LPP: variants seen among roughly 807,000 people sequenced by gnomAD.
LPP encodes the protein lipoma-preferred partner.
Under a neutral mutation model 60.4 loss-of-function variants are expected in LPP, and 38 were observed. The observed-to-expected ratio is 0.63, with a 90% CI of 0.49 to 0.83. The LOEUF (loss-of-function observed/expected upper bound fraction) is 0.83, where lower values mean the gene tolerates loss of function less well. Among genes scored for constraint, LPP ranks in the 40% least tolerant of loss-of-function variants. LPP has a pLI of 0.00. For missense variants in LPP, 902 were observed against 783.6 expected (o/e 1.15, Z -1.80); for synonymous variants, 328 against 290.8 (o/e 1.13, Z -1.30).
chr3:188,657,436 C>T (rs962909792), intron 7 of LPP, among the ~76,000 whole-genome samples: 8 of 151,714 alleles, frequency 5.3e-5, no homozygotes, highest in Non-Finnish European at 1.2e-4. Flanking sequence ...TGGCTTTCCT[C>T]GACATTATAA....
chr3:188,261,719 G>A (rs1489440860), intron 2 of LPP, among the ~76,000 whole-genome samples: 3 of 148,962 alleles, frequency 2.0e-5, no homozygotes, highest in Admixed American at 6.8e-5. Flanking sequence ...ACCAGCCTGG[G>A]CAACACAGTG....
chr3:188,710,258 G>T (rs992149768), intron 8 of LPP: 4 of 152,138 alleles, frequency 2.6e-5, no homozygotes, highest in African/African-American at 9.7e-5. Context: ...ATTTGTGTTG[G>T]GGTGGCAGTT....
At chr3:188,498,135 A>G (rs7652962) in intron 5 of LPP, among the ~76,000 whole-genome samples, 8,649 of 152,166 alleles carry the variant, frequency 0.057, 348 homozygotes, top group Middle Eastern at 0.14. Context: ...ACTCTTGATG[A>G]CTTGAACCTC....
intron 4 of LPP, among the ~76,000 whole-genome samples, chr3:188,453,011 T>TTGTA (rs1324288952): frequency 6.6e-6 from 1 of 152,246 alleles, no homozygotes; most frequent in Non-Finnish European, 1.5e-5. Context: ...AGAAAGCAGA[T>TTGTA]TGTAGCTGGT....
At chr3:188,498,523 C>CTA (rs1478230592) in intron 5 of LPP, among the ~76,000 whole-genome samples, 1 of 152,140 alleles carries the variant, frequency 6.6e-6, no homozygotes, top group Non-Finnish European at 1.5e-5. Flanking sequence ...ATATGTCATG[C>CTA]TATATATATG....
chr3:188,193,346 C>T (rs77986036), intron 1 of LPP, among the ~76,000 whole-genome samples: 1 of 152,076 alleles, frequency 6.6e-6, no homozygotes, highest in Non-Finnish European at 1.5e-5. Flanking sequence ...GATTCAGTTC[C>T]CAGCTCTGTC....
intron 7 of LPP, among the ~76,000 whole-genome samples, chr3:188,632,693 A>G (rs1404026566): frequency 6.6e-6 from 1 of 152,196 alleles, no homozygotes; most frequent in African/African-American, 2.4e-5. Flanking sequence ...TCACCAGAAA[A>G]GGGCTTACGT....
chr3:188,319,981 A>G (rs182144016), intron 2 of LPP, among the ~76,000 whole-genome samples: 11 of 152,234 alleles, frequency 7.2e-5, no homozygotes. Context: ...ACGGTCAGGT[A>G]TTTTGAAGAA....
At chr3:188,874,261 G>A (rs971661994) in intron 11 of LPP, 90 bp from the exon 12 acceptor site, 8 of 1,270,840 alleles carry the variant, frequency 6.3e-6, no homozygotes, top group African/African-American at 1.5e-5. Flanking sequence ...CATTATGGAG[G>A]CCTTGAATAG....
At chr3:188,357,433 C>T (rs564597637) in intron 3 of LPP, among the ~76,000 whole-genome samples, 1 of 152,136 alleles carries the variant, frequency 6.6e-6, no homozygotes, top group South Asian at 2.1e-4. Flanking sequence ...AACTCTTTCT[C>T]ACAATAAAAT....
chr3:188,618,112 C>T (rs1381994374), intron 7 of LPP, among the ~76,000 whole-genome samples: 1 of 152,170 alleles, frequency 6.6e-6, no homozygotes, highest in Non-Finnish European at 1.5e-5. Flanking sequence ...ACTATTTTTA[C>T]TACTATAGTA....
chr3:188,392,357 A>G (rs1235035243), intron 3 of LPP, among the ~76,000 whole-genome samples: 2 of 152,166 alleles, frequency 1.3e-5, no homozygotes, highest in African/African-American at 2.4e-5. Context: ...ATGCGATATT[A>G]TAACATATCA....
intron 3 of LPP, among the ~76,000 whole-genome samples, chr3:188,344,748 G>A (rs1763886973): frequency 6.6e-6 from 1 of 152,080 alleles, no homozygotes; most frequent in Non-Finnish European, 1.5e-5. Context: ...TATATATACT[G>A]TAAGAATGGG....
chr3:188,737,594 G>C (rs574375658), intron 8 of LPP, among the ~76,000 whole-genome samples: 32 of 152,268 alleles, frequency 2.1e-4, no homozygotes, highest in African/African-American at 7.7e-4. Flanking sequence ...GTGAGATGGA[G>C]GCAGCAAATA....
intron 11 of LPP, among the ~76,000 whole-genome samples, chr3:188,873,315 C>G (rs1419645102): frequency 6.6e-6 from 1 of 152,136 alleles, no homozygotes; most frequent in Non-Finnish European, 1.5e-5. Context: ...CATTCTATGT[C>G]AAATGAAGAC....
chr3:188,600,430 G>A (rs1175596013), intron 6 of LPP, among the ~76,000 whole-genome samples: 2 of 151,264 alleles, frequency 1.3e-5, no homozygotes, highest in Non-Finnish European at 2.9e-5. Flanking sequence ...GTATGCATAT[G>A]TATATATGAG....
intron 7 of LPP, among the ~76,000 whole-genome samples, chr3:188,635,721 G>C (rs1225341390): frequency 6.6e-6 from 1 of 152,178 alleles, no homozygotes; most frequent in Admixed American, 6.5e-5. Flanking sequence ...AGAATGATAT[G>C]TTCTTTAGTC....
intron 2 of LPP, among the ~76,000 whole-genome samples, chr3:188,249,546 G>A (rs1408434013): frequency 6.6e-6 from 1 of 152,012 alleles, no homozygotes; most frequent in Non-Finnish European, 1.5e-5. Context: ...TGTATGCAGT[G>A]TATATATTAT....
intron 6 of LPP, among the ~76,000 whole-genome samples, chr3:188,582,866 A>C (rs942582053): frequency 6.6e-5 from 10 of 152,126 alleles, no homozygotes; most frequent in Non-Finnish European, 1.5e-5. Context: ...TTTACCTCCT[A>C]AATATTTCAC....
Sources: gnomAD v4.1 joint callset for allele counts (sites outside exome capture counted in the v4.1 genomes callset) on GRCh38, gnomAD v4.1.1 for gene constraint, MANE v1.5 for transcripts, NCBI Gene and HGNC (gene_info 2026-07-23, HGNC 2026-07-21) for gene names.